PCDH15: variants seen among roughly 807,000 people sequenced by gnomAD.
The protein encoded by PCDH15 is protocadherin related 15.
PCDH15 carries 129 observed loss-of-function variants against 178.5 expected under a neutral mutation model. The observed-to-expected ratio is 0.72, with a 90% CI of 0.63 to 0.84. The LOEUF is 0.84. Among genes scored for constraint, PCDH15 ranks in the 40% least tolerant of loss-of-function variants. The probability of loss-of-function intolerance (pLI) is 0.00; values close to 1 mark genes in which losing one functional copy is unlikely to be tolerated. For missense variants in PCDH15, 2,230 were observed against 2,099.9 expected, an observed-to-expected ratio of 1.06 and a Z score of -1.21; for synonymous variants, 800 against 732.0, an observed-to-expected ratio of 1.09 and a Z score of -1.50.
chr10:54,347,884 T>C (rs984413092), intron 5 of PCDH15, among the ~76,000 whole-genome samples: 13 of 151,520 alleles, frequency 8.6e-5, no homozygotes, highest in African/African-American at 3.2e-4. Flanking sequence ...AGTCTCACTC[T>C]GTCACCCAGG....
chr10:54,925,341 C>T (rs1333135239), intron 2 of PCDH15, among the ~76,000 whole-genome samples: 15 of 152,146 alleles, frequency 9.9e-5, no homozygotes, highest in African/African-American at 3.1e-4. Context: ...GTTTTGGTTA[C>T]TGTAGCCTTG....
chr10:54,754,573 CAAAGA>C (rs946677994), intron 1 of PCDH15, among the ~76,000 whole-genome samples: 1 of 151,928 alleles, frequency 6.6e-6, no homozygotes, highest in African/African-American at 2.4e-5. Context: ...ATTTTCACTA[CAAAGA>C]AATTTTGAAT....
intron 2 of PCDH15, among the ~76,000 whole-genome samples, chr10:55,575,122 C>T (rs1426206631): frequency 3.9e-5 from 6 of 152,062 alleles, no homozygotes; most frequent in Admixed American, 3.3e-4. Context: ...CAGTTAACCT[C>T]CATCTATAAC....
chr10:55,418,318 G>A (rs1838534283), intron 2 of PCDH15, among the ~76,000 whole-genome samples: 2 of 151,724 alleles, frequency 1.3e-5, no homozygotes, highest in South Asian at 2.1e-4. Flanking sequence ...AAGTGCTGCT[G>A]ATTGTGGGAA....
At chr10:54,599,669 T>G in intron 2 of PCDH15, 1 of 396,726 alleles carries the variant, frequency 2.5e-6, no homozygotes, top group South Asian at 2.2e-5. Context: ...ATTGAAAAAC[T>G]GGTACACTAG....
At chr10:55,538,866 T>C (rs1164495492) in intron 2 of PCDH15, among the ~76,000 whole-genome samples, 3 of 21,330 alleles carry the variant, frequency 1.4e-4, no homozygotes, top group Non-Finnish European at 2.5e-4. Context: ...TCCTTCCTCC[T>C]TTCCTTCCTT....
intron 15 of PCDH15, among the ~76,000 whole-genome samples, chr10:54,122,450 T>A (rs1318302879): frequency 3.9e-5 from 6 of 152,066 alleles, no homozygotes; most frequent in African/African-American, 7.2e-5. Context: ...CTCTTGGAAG[T>A]GGATCAAGAC....
chr10:55,395,177 G>GTA, intron 2 of PCDH15, among the ~76,000 whole-genome samples: 1 of 85,926 alleles, frequency 1.2e-5, no homozygotes, highest in Non-Finnish European at 2.3e-5. Context: ...GCGTGTGTGT[G>GTA]TGTGTGTGTG....
intron 2 of PCDH15, among the ~76,000 whole-genome samples, chr10:55,537,240 T>C (rs1323151580): frequency 1.3e-5 from 2 of 152,120 alleles, no homozygotes; most frequent in Non-Finnish European, 2.9e-5. Context: ...CCCTAATATG[T>C]TTTCACATTT....
intron 2 of PCDH15, among the ~76,000 whole-genome samples, chr10:54,541,555 ATC>A: frequency 6.6e-6 from 1 of 152,258 alleles, no homozygotes; most frequent in South Asian, 2.1e-4. Context: ...GTGAAATAAG[ATC>A]TGTTATTCCA....
chr10:53,827,602 A>T (rs2076770598), intron 31 of PCDH15, 54 bp from the exon 32 acceptor site: 21 of 1,604,248 alleles, frequency 1.3e-5, no homozygotes, highest in Admixed American at 6.7e-5. Flanking sequence ...CATAATGCTT[A>T]TCAATAAGCC....
intron 13 of PCDH15, among the ~76,000 whole-genome samples, chr10:54,159,091 A>G (rs554941674): frequency 6.8e-6 from 1 of 146,016 alleles, no homozygotes; most frequent in Admixed American, 6.9e-5. Flanking sequence ...CCTGGGTGAC[A>G]GAGTGAGAGT....
At chr10:55,330,662 C>T (rs780359698) in intron 2 of PCDH15, among the ~76,000 whole-genome samples, 2 of 151,830 alleles carry the variant, frequency 1.3e-5, no homozygotes, top group Non-Finnish European at 2.9e-5. Context: ...CATGTAGATA[C>T]TTTAGAAAAG....
At chr10:55,239,949 A>T (rs909302237) in intron 1 of PCDH15, among the ~76,000 whole-genome samples, 41 of 152,180 alleles carry the variant, frequency 2.7e-4, no homozygotes, top group African/African-American at 1.7e-4. Context: ...TATCAAAAAA[A>T]TTCTAATCAG....
chr10:54,091,119 A>G (rs1442619347), intron 15 of PCDH15, among the ~76,000 whole-genome samples: 1 of 152,200 alleles, frequency 6.6e-6, no homozygotes, highest in African/African-American at 2.4e-5. Context: ...ACCTTAAAAA[A>G]CATCAAATCA....
intron 2 of PCDH15, among the ~76,000 whole-genome samples, chr10:54,915,350 T>A (rs1361467100): frequency 6.6e-6 from 1 of 152,196 alleles, no homozygotes; most frequent in African/African-American, 2.4e-5. Flanking sequence ...ATATTAATGA[T>A]GCTAATATGC....
intron 2 of PCDH15, among the ~76,000 whole-genome samples, chr10:55,116,306 G>T (rs144920381): frequency 0.013 from 1,910 of 152,058 alleles, 29 homozygotes; most frequent in Non-Finnish European, 0.018. Context: ...CAATAACCAG[G>T]CATGCTATTT....
At chr10:54,263,975 C>G (rs1271373043) in intron 8 of PCDH15, among the ~76,000 whole-genome samples, 1 of 152,116 alleles carries the variant, frequency 6.6e-6, no homozygotes, top group Admixed American at 6.5e-5. Context: ...TGGCTTTCAT[C>G]TTTATCCCAT....
chr10:54,339,464 G>T (rs1941829721), intron 6 of PCDH15, among the ~76,000 whole-genome samples: 1 of 152,050 alleles, frequency 6.6e-6, no homozygotes, highest in East Asian at 1.9e-4. Context: ...AACATATATT[G>T]TCCAGTACAT....
Sources: allele counts gnomAD v4.1 joint callset (sites outside exome capture counted in the v4.1 genomes callset), GRCh38; gene constraint gnomAD v4.1.1; transcripts MANE v1.5; gene names NCBI Gene and HGNC (gene_info 2026-07-23, HGNC 2026-07-21).